PCDHA4: variants seen among roughly 807,000 people sequenced by gnomAD.
The protein encoded by PCDHA4 is protocadherin alpha-4.
Under a neutral mutation model 61.4 loss-of-function variants are expected in PCDHA4, and 49 were observed. The ratio of observed to expected loss-of-function variants is 0.80; its 90% CI spans 0.63 to 1.01. The LOEUF (loss-of-function observed/expected upper bound fraction) is 1.01. Among genes scored for constraint, PCDHA4 ranks in the 50% least tolerant of loss-of-function variants. The pLI, the probability that PCDHA4 is intolerant of heterozygous loss-of-function variation, is 0.00. For missense variants in PCDHA4, 1,254 were observed against 1,235.8 expected, an observed-to-expected ratio of 1.01 and a Z score of -0.22; for synonymous variants, 590 against 550.3, an observed-to-expected ratio of 1.07 and a Z score of -1.01.
At chr5:140,836,841 G>A in intron 1 of PCDHA4, 1 of 836,020 alleles carries the variant, frequency 1.2e-6, no homozygotes, top group South Asian at 2.1e-5. Context: ...ATAGCTTTAT[G>A]TATAATTATT....
At chr5:140,824,220 G>A (rs1768050365) in intron 1 of PCDHA4, 7 of 1,561,856 alleles carry the variant, frequency 4.5e-6, no homozygotes, top group Non-Finnish European at 5.3e-6. Context: ...TAAAAATTAT[G>A]TCTTAGTACA....
chr5:140,926,787 A>G, intron 1 of PCDHA4: 2 of 1,420,842 alleles, frequency 1.4e-6, no homozygotes, highest in Non-Finnish European at 1.8e-6. Context: ...GACGGCCGGC[A>G]GGAGCGTGCT....
intron 1 of PCDHA4, chr5:140,852,001 C>G (rs2042214693): frequency 1.0e-6 from 1 of 975,480 alleles, no homozygotes; most frequent in East Asian, 1.1e-4. Context: ...TGTTTGTTTT[C>G]TAATTTATAG....
intron 1 of PCDHA4, chr5:140,882,537 T>C (rs1582624652): frequency 6.2e-7 from 1 of 1,614,176 alleles, no homozygotes; most frequent in East Asian, 2.2e-5. Context: ...AATTCTCGGA[T>C]CGACCGCGAG....
In PCDHA4 at chr5:140,807,801, C is replaced by G. The variant is rs782056776; in HGVS notation, c.614C>G (p.Ala205Gly). ...CGGAAATCTTTAGACAGAGAAGAAG[C>G]TCCGGAGATTTTTTTAGTGCTCACA... is the stretch of plus-strand genomic sequence containing the variant. The part of the protein sequence containing the change: ...ILRKSLDREE[A>G]PEIFLVLTAT... Residue 205 changes from alanine to glycine, a missense_variant, in exon 1 of 4, where the codon GCT (alanine) becomes GGT (glycine). Coordinates refer to ENST00000530339, the MANE Select transcript of PCDHA4 (RefSeq NM_018907.4). 6.2e-7 allele frequency: 1 copy of G among 1,614,136 alleles called. No homozygotes were observed. The highest frequency in any genetic ancestry group is 1.7e-5 in the Admixed American group (1 of 60,010).
chr5:140,926,539 G>A (rs910445315), intron 1 of PCDHA4: 2 of 216,944 alleles, frequency 9.2e-6, no homozygotes, highest in Non-Finnish European at 1.8e-5. Flanking sequence ...AGCCAGCGTG[G>A]TGGTCGAGAC....
Position 140,807,526 on chromosome 5 carries a change from G to T in PCDHA4, c.339G>T (p.Pro113=). Residue 113 remains proline, a synonymous_variant, in exon 1 of 4, where the codon CCG becomes CCT. Coordinates refer to ENST00000530339, the MANE Select transcript of PCDHA4 (RefSeq NM_018907.4). ...SIHLEVIVDR[P]LQVFHVDVEV... is the part of the protein sequence containing the mutation. ...ACCTGGAGGTGATCGTAGACAGGCC[G>T]CTGCAGGTTTTCCATGTGGACGTGG... 1 of 1,614,130 alleles carries T rather than the reference G, an allele frequency of 6.2e-7. No individual in the cohort carries two copies. The highest frequency in any genetic ancestry group is 1.1e-5 in the South Asian group (1 of 91,072).
rs199847007 is a variant in PCDHA4, at chr5:140,883,896, C to A, written c.2385+74324C>A. ...GTGAGCGCGCGCGACTCTGGCGTGC[C>A]GCCTCTGGGCAGCAACGTGACGCTG... On this transcript the variant is annotated intron_variant, in intron 1 of 3. Transcript: ENST00000530339. The A allele has an allele frequency of 3.1e-6, 5 of 1,613,386 alleles. 1 individual carries two copies. In the South Asian group the frequency reaches 4.4e-5, roughly 14 times the overall value.
rs782109045 is a variant in PCDHA4 at position 140,856,427 on chromosome 5, G to C, written c.2385+46855G>C. ...GGACGTGGAAGTGAAGGACATTAAC[G>C]ACAACCCGCCCAGGTTCTCCGTAAC... On this transcript the variant is annotated intron_variant, in intron 1 of 3. Transcript: ENST00000530339. 9 of 1,598,364 alleles carry C rather than the reference G, an allele frequency of 5.6e-6. 1 individual carries two copies. Among genetic ancestry groups the C allele is most frequent in the South Asian group, 1.1e-5 (1 of 90,520 alleles).
intron 1 of PCDHA4, chr5:140,830,636 T>G (rs2150188320): frequency 2.0e-6 from 1 of 504,942 alleles, no homozygotes; most frequent in Non-Finnish European, 3.1e-6. Flanking sequence ...TTTTAATCTC[T>G]TTGCTTCTTT....
intron 1 of PCDHA4, among the ~76,000 whole-genome samples, chr5:140,898,250 A>T (rs2066615127): frequency 6.6e-6 from 1 of 152,210 alleles, no homozygotes; most frequent in South Asian, 2.1e-4. Flanking sequence ...TGTTTTAGAC[A>T]TGAAGTCCTT....
At chr5:140,976,007 A>G (rs546477565) in intron 1 of PCDHA4, among the ~76,000 whole-genome samples, 55 of 152,354 alleles carry the variant, frequency 3.6e-4, no homozygotes, top group African/African-American at 1.3e-3. Flanking sequence ...TAAGTATTAA[A>G]GAACTAAATA....
intron 1 of PCDHA4, chr5:140,828,035 G>A: frequency 3.3e-6 from 5 of 1,537,082 alleles, no homozygotes; most frequent in Non-Finnish European, 4.4e-6. Context: ...GGAACATACA[G>A]TATTTTATCT....
chr5:140,902,756 C>A (rs1434955469), intron 1 of PCDHA4, among the ~76,000 whole-genome samples: 1 of 150,258 alleles, frequency 6.7e-6, no homozygotes, highest in Admixed American at 6.6e-5. Flanking sequence ...TTATATCATT[C>A]TTATGTCTTT....
intron 1 of PCDHA4, among the ~76,000 whole-genome samples, chr5:140,903,538 C>G (rs562932214): frequency 7.9e-5 from 12 of 152,208 alleles, no homozygotes; most frequent in African/African-American, 2.6e-4. Context: ...TAAACTAGAG[C>G]AAGAAACTTT....
intron 1 of PCDHA4, chr5:140,876,140 C>T: frequency 6.2e-7 from 1 of 1,613,944 alleles, no homozygotes; most frequent in East Asian, 2.2e-5. Context: ...CCAGAACTAA[C>T]AGGGTCTGTC....
intron 1 of PCDHA4, chr5:140,969,506 G>A (rs1262259666): frequency 2.9e-5 from 41 of 1,426,940 alleles, no homozygotes; most frequent in Non-Finnish European, 3.6e-5. Context: ...TAGAAAAATA[G>A]CACTAAAGAA....
chr5:140,955,889 GT>G (rs1305358742), intron 1 of PCDHA4, among the ~76,000 whole-genome samples: 2 of 151,880 alleles, frequency 1.3e-5, no homozygotes, highest in Non-Finnish European at 2.9e-5. Flanking sequence ...ATTCCTAGGT[GT>G]TTTATTCTCT....
At position 140,894,665 on chromosome 5, in the gene PCDHA4, G is replaced by T. The variant is rs189476056; in HGVS notation, c.2386-84284G>T. Among the ~76,000 whole-genome samples, 418 of 151,474 alleles carry T rather than the reference G, an allele frequency of 2.8e-3. 2 individuals are homozygous for T. Among genetic ancestry groups the T allele is most frequent in the Middle Eastern group, 0.011 (3 of 280 alleles). On this transcript the variant is annotated intron_variant, in intron 1 of 3. Transcript: ENST00000530339. ...CTGAGTCTCTCTAATTCTGATTTGT[G>T]TATTCTTGCATAGCTTTTCATTATT...
Sources: allele counts gnomAD v4.1 joint callset (sites outside exome capture counted in the v4.1 genomes callset), GRCh38; gene constraint gnomAD v4.1.1; transcripts MANE v1.5; gene names NCBI Gene and HGNC (gene_info 2026-07-23, HGNC 2026-07-21).